The following KIAA1671 variants were observed in gnomAD, a reference collection of about 807,000 sequenced individuals.
KIAA1671 encodes the protein uncharacterized protein KIAA1671.
Under a neutral mutation model 131.2 loss-of-function variants are expected in KIAA1671, and 52 were observed. The observed-to-expected ratio is 0.40, with a 90% CI of 0.32 to 0.50. KIAA1671 has a LOEUF of 0.50. KIAA1671 is among the 20% of genes least tolerant of loss of function. The pLI is 0.73. For synonymous variants in KIAA1671, 1,003 were observed against 961.6 expected, an observed-to-expected ratio of 1.04 and a Z score of -0.80; for missense variants, 2,360 against 2,364.2, an observed-to-expected ratio of 1.00 and a Z score of 0.04.
At position 24,969,706 on chromosome 22, in the gene KIAA1671, G is replaced by A. The variant is rs544975154; in HGVS notation, c.-208+16934G>A. On this transcript the variant is annotated intron_variant, in intron 1 of 12. Transcript: ENST00000358431. ...ACATATTGATTGAGATTTCAGCTCCGTGTCTTGGGGCACATGTAGAATGTG... is the reference window on the plus strand; with the variant it reads ...ACATATTGATTGAGATTTCAGCTCCATGTCTTGGGGCACATGTAGAATGTG... Among the ~76,000 whole-genome samples the A allele has an allele frequency of 3.3e-5, 5 of 152,266 alleles. No individual in the cohort carries two copies. In the South Asian group the frequency reaches 8.3e-4, roughly 25 times the overall value.
chr22:25,111,807 C>T (rs1015563070), intron 6 of KIAA1671: 1 of 123,922 alleles, frequency 8.1e-6, no homozygotes, highest in Non-Finnish European at 1.6e-5. Flanking sequence ...GACCGTCACG[C>T]CCTGGAGTGA....
chr22:25,115,750 C>G (rs1931620221), intron 6 of KIAA1671, among the ~76,000 whole-genome samples: 1 of 152,086 alleles, frequency 6.6e-6, no homozygotes, highest in Non-Finnish European at 1.5e-5. Context: ...CATTAATTCA[C>G]TCATATTTTC....
chr22:25,073,777 A>G (rs1479106320), intron 6 of KIAA1671, among the ~76,000 whole-genome samples: 2 of 152,064 alleles, frequency 1.3e-5, no homozygotes, highest in Non-Finnish European at 2.9e-5. Flanking sequence ...GCTCACTGCA[A>G]CCTCTGCCTC....
At chr22:24,971,600 G>A (rs544105922) in intron 1 of KIAA1671, among the ~76,000 whole-genome samples, 1 of 152,230 alleles carries the variant, frequency 6.6e-6, no homozygotes, top group East Asian at 1.9e-4. Flanking sequence ...TATCCCCTGG[G>A]GTCCCCCAGT....
At chr22:25,030,915 C>T (rs1755630853) in intron 3 of KIAA1671, among the ~76,000 whole-genome samples, 1 of 152,278 alleles carries the variant, frequency 6.6e-6, no homozygotes, top group African/African-American at 2.4e-5. Context: ...AAAGCTAGAC[C>T]ACTGGCCCTC....
At chr22:25,160,285 C>T (rs1933392806) in intron 6 of KIAA1671, among the ~76,000 whole-genome samples, 1 of 152,164 alleles carries the variant, frequency 6.6e-6, no homozygotes. Context: ...GCCACATGCA[C>T]ACAGGTGCAC....
intron 6 of KIAA1671, among the ~76,000 whole-genome samples, chr22:25,121,207 A>G (rs1931926655): frequency 6.6e-6 from 1 of 152,202 alleles, no homozygotes; most frequent in African/African-American, 2.4e-5. Context: ...TCACGCCTGT[A>G]GTCCCAGCAC....
In KIAA1671 at chr22:25,100,494, G is replaced by A. The variant is rs372144460; in HGVS notation, c.4530+51130G>A. 2.7e-4 allele frequency among the ~76,000 whole-genome samples: 41 copies of A among 152,322 alleles called. No homozygotes were observed. The South Asian group carries it at 6.6e-3, about 25-fold the overall frequency. On this transcript the variant is annotated intron_variant, in intron 6 of 12. Transcript: ENST00000358431. ...GACACAAATGGGGGTATTCACAGGGGCAGGGTAGCCCGGTGGTTAAGGGCC... is the reference window on the plus strand; with the variant it reads ...GACACAAATGGGGGTATTCACAGGGACAGGGTAGCCCGGTGGTTAAGGGCC...
chr22:25,166,238 G>A (rs1354235541), intron 6 of KIAA1671, among the ~76,000 whole-genome samples: 2 of 152,142 alleles, frequency 1.3e-5, no homozygotes, highest in Admixed American at 6.5e-5. Context: ...AGGGAGCAGC[G>A]CTGGCCTCAG....
intron 3 of KIAA1671, among the ~76,000 whole-genome samples, chr22:25,032,399 C>A (rs1410250217): frequency 6.6e-6 from 1 of 152,238 alleles, no homozygotes; most frequent in Non-Finnish European, 1.5e-5. Context: ...CTGGGACTAG[C>A]ACCTGGGTGT....
intron 6 of KIAA1671, chr22:25,058,803 C>A (rs1413008857): frequency 2.0e-5 from 3 of 152,200 alleles, no homozygotes; most frequent in Non-Finnish European, 4.4e-5. Context: ...GGGCAGGAAT[C>A]ATCTGGAAGC....
intron 1 of KIAA1671, among the ~76,000 whole-genome samples, chr22:24,968,200 G>A (rs909306769): frequency 1.3e-5 from 2 of 152,188 alleles, no homozygotes; most frequent in Non-Finnish European, 2.9e-5. Flanking sequence ...GGTAGGGAAG[G>A]GGGGCGGCGG....
Position 24,965,655 on chromosome 22 carries a change from G to A in KIAA1671, c.-208+12883G>A, listed in dbSNP as rs9680824. ...CTCGGGAGGCTGAGGCGGGAGAATC[G>A]CTTGAACCCGCGAGGTGGAGGTTGC... On this transcript the variant is annotated intron_variant, in intron 1 of 12. Transcript: ENST00000358431. Among the ~76,000 whole-genome samples, 783 of 150,494 alleles carry A rather than the reference G, an allele frequency of 5.2e-3. 10 individuals carry two copies. The highest frequency in any genetic ancestry group is 0.018 in the African/African-American group (742 of 41,036).
chr22:25,143,132 G>A (rs975001798), intron 6 of KIAA1671, among the ~76,000 whole-genome samples: 1 of 152,202 alleles, frequency 6.6e-6, no homozygotes, highest in African/African-American at 2.4e-5. Context: ...CCCCGTCCTG[G>A]GCACCGGCCA....
At chr22:24,969,157 T>C (rs1170938613) in intron 1 of KIAA1671, among the ~76,000 whole-genome samples, 1 of 152,200 alleles carries the variant, frequency 6.6e-6, no homozygotes, top group Non-Finnish European at 1.5e-5. Flanking sequence ...CACCTCAGCC[T>C]CCCAAAGTGC....
In KIAA1671 at chr22:25,028,936, A is replaced by G. The variant is rs1926115601; in HGVS notation, c.937A>G (p.Met313Val). The G allele has an allele frequency of 6.4e-7, 1 of 1,551,326 alleles. No homozygotes were observed. The highest frequency in any genetic ancestry group is 1.2e-5 in the South Asian group (1 of 83,970). ...DEGSGPTAGD[M>V]AGLERPRAAS... ...AGGAAGTGGACCCACAGCAGGGGATATGGCTGGGCTAGAGAGGCCCAGAGC... is the reference window on the plus strand; with the variant it reads ...AGGAAGTGGACCCACAGCAGGGGATGTGGCTGGGCTAGAGAGGCCCAGAGC... The change falls in exon 3 of 13, where the codon ATG (methionine) becomes GTG (valine). Residue 313 changes from methionine to valine, a missense_variant. Physicochemically the swap from Met to Val is conservative, Grantham distance 21. Transcript: ENST00000358431.
chr22:25,184,313 C>T (rs1438068349), intron 10 of KIAA1671, among the ~76,000 whole-genome samples: 1 of 152,182 alleles, frequency 6.6e-6, no homozygotes, highest in Non-Finnish European at 1.5e-5. Context: ...ACACATGGAA[C>T]GAACTCACAT....
chr22:25,072,861 G>A (rs766360175), intron 6 of KIAA1671, among the ~76,000 whole-genome samples: 2 of 152,150 alleles, frequency 1.3e-5, no homozygotes, highest in Non-Finnish European at 2.9e-5. Context: ...AGCTAACCAG[G>A]AATAATTGCA....
At chr22:25,087,859 C>T (rs1929814800) in intron 6 of KIAA1671, among the ~76,000 whole-genome samples, 1 of 152,188 alleles carries the variant, frequency 6.6e-6, no homozygotes, top group South Asian at 2.1e-4. Flanking sequence ...TGAGCCATAG[C>T]AGCCAGAGCC....
Sources: allele counts gnomAD v4.1 joint callset (sites outside exome capture counted in the v4.1 genomes callset), GRCh38; gene constraint gnomAD v4.1.1; transcripts MANE v1.5; gene names NCBI Gene and HGNC (gene_info 2026-07-23, HGNC 2026-07-21).